Variants in SKI observed in about 807,000 individuals in gnomAD.
SKI encodes the protein ski oncogene.
Under a neutral mutation model 59.3 loss-of-function variants are expected in SKI, and 23 were observed. The ratio of observed to expected loss-of-function variants is 0.39; its 90% CI spans 0.28 to 0.55. The LOEUF is 0.55. SKI is among the 20% of genes least tolerant of loss of function. SKI has a pLI of 0.67. For missense variants in SKI, 1,017 were observed against 1,038.9 expected (o/e 0.98, Z 0.29); for synonymous variants, 673 against 488.6 (o/e 1.38, Z -4.98).
At chr1:2,275,576 C>T (rs966127014) in intron 1 of SKI, among the ~76,000 whole-genome samples, 14 of 152,088 alleles carry the variant, frequency 9.2e-5, no homozygotes, top group Non-Finnish European at 1.9e-4. Flanking sequence ...TGCAGTGGCG[C>T]GATCTCGGCT....
chr1:2,264,442 G>A (rs1639456152), intron 1 of SKI, among the ~76,000 whole-genome samples: 1 of 151,686 alleles, frequency 6.6e-6, no homozygotes, highest in Non-Finnish European at 1.5e-5. Context: ...CTAATTTTTT[G>A]TATTTTTAGT....
intron 1 of SKI, among the ~76,000 whole-genome samples, chr1:2,300,764 C>T (rs1183799326): frequency 2.0e-5 from 3 of 152,328 alleles, no homozygotes; most frequent in African/African-American, 7.2e-5. Flanking sequence ...TCCGAAGGCT[C>T]GTCCTGGCTC....
chr1:2,308,057 T>C lies in SKI; in HGVS notation c.*1292T>C, dbSNP rs1640643818. ...AAATAATCTCGTTTACTCTCACCTGTTTATGCAAATTGTATAAGGTTTCTT... is the reference window on the plus strand; with the variant it reads ...AAATAATCTCGTTTACTCTCACCTGCTTATGCAAATTGTATAAGGTTTCTT... On this transcript the variant is annotated 3_prime_UTR_variant, in exon 7 of 7. Coordinates refer to ENST00000378536, the MANE Select transcript of SKI (RefSeq NM_003036.4). The C allele has an allele frequency of 6.6e-6, 1 of 152,408 alleles. No homozygotes were observed. Among genetic ancestry groups the C allele is most frequent in the Non-Finnish European group, 1.5e-5 (1 of 68,034 alleles). 9.4% of individuals were successfully genotyped at this position (152,408 alleles called of 1,614,324 possible).
At position 2,303,804 on chromosome 1, in the gene SKI, C is replaced by T; in HGVS notation, c.1212-36C>T. 6.2e-7 allele frequency: 1 copy of T among 1,610,122 alleles called. No homozygotes were observed. The highest frequency in any genetic ancestry group is 8.5e-7 in the Non-Finnish European group (1 of 1,179,080). On this transcript the variant is annotated intron_variant, in intron 3 of 6. Coordinates refer to ENST00000378536, the MANE Select transcript of SKI (RefSeq NM_003036.4). The surrounding 1 kb of genome is among the most constrained non-coding windows in gnomAD (Gnocchi z 5.6). ...GATGTGTCTGGGTGGTGCTTGGGGA[C>T]AGAGGCACCTTCCCGACACCCGCCT... is the stretch of plus-strand genomic sequence containing the variant.
At chr1:2,249,211 G>A (rs528224784) in intron 1 of SKI, among the ~76,000 whole-genome samples, 62 of 152,336 alleles carry the variant, frequency 4.1e-4, no homozygotes, top group African/African-American at 1.4e-3. Flanking sequence ...CTGGGCCTGG[G>A]CATCAGGTCC....
chr1:2,296,270 T>C (rs1640282856), intron 1 of SKI, among the ~76,000 whole-genome samples: 1 of 151,286 alleles, frequency 6.6e-6, no homozygotes, highest in African/African-American at 2.4e-5. Flanking sequence ...TGGCACATGC[T>C]TGTAGTCCCA....
At position 2,270,340 on chromosome 1, in the gene SKI, C is replaced by T. The variant is rs1236930014; in HGVS notation, c.970-32638C>T. Among the ~76,000 whole-genome samples the T allele has an allele frequency of 2.6e-5, 4 of 152,212 alleles. No individual in the cohort carries two copies. Among genetic ancestry groups the T allele is most frequent in the South Asian group, 2.1e-4 (1 of 4,834 alleles). Reference sequence around the variant, plus strand: ...TGCTGGTGACACCACTCTGACGCCACGGCCTGAGGCAGCCGTTGGACAGTG... The same window carrying T: ...TGCTGGTGACACCACTCTGACGCCATGGCCTGAGGCAGCCGTTGGACAGTG... On this transcript the variant is annotated intron_variant, in intron 1 of 6. Transcript: ENST00000378536. This position sits in a 1 kb window ranked among gnomAD's most constrained non-coding sequence, Gnocchi z 4.1.
intron 1 of SKI, among the ~76,000 whole-genome samples, chr1:2,287,712 G>T (rs535111546): frequency 9.2e-5 from 14 of 152,330 alleles, no homozygotes; most frequent in South Asian, 2.1e-4. Flanking sequence ...CCTGTGTGGG[G>T]CGTGGGGGTG....
chr1:2,258,846 G>A (rs1024356604), intron 1 of SKI, among the ~76,000 whole-genome samples: 4 of 152,082 alleles, frequency 2.6e-5, no homozygotes, highest in Non-Finnish European at 4.4e-5. Flanking sequence ...CGTGCCTGGC[G>A]GGAGCTCATG....
chr1:2,237,332 CTGCGGTGCTCCT>C (rs1245893539), intron 1 of SKI, among the ~76,000 whole-genome samples: 1 of 152,220 alleles, frequency 6.6e-6, no homozygotes, highest in Admixed American at 6.5e-5. Flanking sequence ...TAGGTGCTCC[CTGCGGTGCTCCT>C]GGCTGCTGTG....
At chr1:2,291,534 C>T (rs1488050919) in intron 1 of SKI, among the ~76,000 whole-genome samples, 2 of 152,262 alleles carry the variant, frequency 1.3e-5, no homozygotes, top group African/African-American at 4.8e-5. Context: ...AGGAGAACCC[C>T]AGCAAGGTTG....
chr1:2,304,577 C>G lies in SKI; in HGVS notation c.1759C>G (p.Leu587Val). The part of the protein sequence containing the change: ...LSAALQAKRS[L>V]HQELEFLRVA... ...CGCAGCCCTGCAGGCCAAGCGCAGC[C>G]TCCACCAGGTGAGCGGGGCGAGTGG... The change falls in exon 5 of 7, where the codon CTC becomes GTC. Residue 587 changes from leucine to valine, a missense_variant. Leu to Val is a conservative substitution (Grantham distance 32). Coordinates refer to ENST00000378536, the MANE Select transcript of SKI (RefSeq NM_003036.4). 1 of 1,555,236 alleles carries G rather than the reference C, an allele frequency of 6.4e-7. No homozygotes were observed. Among genetic ancestry groups the G allele is most frequent in the Non-Finnish European group, 8.7e-7 (1 of 1,149,720 alleles).
chr1:2,256,213 A>G (rs1168743413), intron 1 of SKI, among the ~76,000 whole-genome samples: 1 of 133,818 alleles, frequency 7.5e-6, no homozygotes, highest in East Asian at 2.3e-4. Context: ...TGTCTGGAGC[A>G]CTCTGTCCTG....
rs1379469071 is a variant in SKI, at chr1:2,309,512, A to G, written c.*2747A>G. 1 of 151,916 alleles carries G rather than the reference A, an allele frequency of 6.6e-6. No individual in the cohort carries two copies. The highest frequency in any genetic ancestry group is 1.5e-5 in the Non-Finnish European group (1 of 67,974). The allele number at this position is 151,916 out of a possible 1,614,324, so 9.4% of individuals were successfully genotyped here. A position where few individuals can be genotyped will look rare whatever the true frequency, so the allele number is the denominator to read the frequency against. Reference sequence around the variant, plus strand: ...ACATGTATATGCTGGGTCCTTTTTCAGAAACTCTTTTCTTACCTGAGAGTT... The same window carrying G: ...ACATGTATATGCTGGGTCCTTTTTCGGAAACTCTTTTCTTACCTGAGAGTT... On this transcript the variant is annotated 3_prime_UTR_variant, in exon 7 of 7. Transcript: ENST00000378536.
intron 1 of SKI, among the ~76,000 whole-genome samples, chr1:2,300,230 C>T (rs1445091471): frequency 3.3e-5 from 5 of 152,366 alleles, no homozygotes; most frequent in Admixed American, 1.3e-4. Flanking sequence ...CGCGGTGTGT[C>T]GTCTGGCCTC....
At chr1:2,257,460 C>T (rs756523672) in intron 1 of SKI, among the ~76,000 whole-genome samples, 2 of 152,262 alleles carry the variant, frequency 1.3e-5, no homozygotes, top group Non-Finnish European at 2.9e-5. Flanking sequence ...CAGAGCGCGT[C>T]GGCGTGGCTC....
chr1:2,247,232 AC>A (rs1381433291), intron 1 of SKI, among the ~76,000 whole-genome samples: 1 of 152,030 alleles, frequency 6.6e-6, no homozygotes, highest in African/African-American at 2.4e-5. Context: ...AAAACAAAAA[AC>A]AAAAAAGGGA....
intron 1 of SKI, among the ~76,000 whole-genome samples, chr1:2,250,511 G>T (rs763128106): frequency 1.3e-5 from 2 of 152,242 alleles, no homozygotes; most frequent in Non-Finnish European, 2.9e-5. Flanking sequence ...GTTGCAGGAA[G>T]AACGTGGTGA....
chr1:2,280,204 CT>C (rs751739608), intron 1 of SKI, among the ~76,000 whole-genome samples: 5,840 of 145,638 alleles, frequency 0.04, 307 homozygotes, highest in African/African-American at 0.12. Flanking sequence ...CACGTATCTA[CT>C]AAAAAAAAAA....
Sources: gnomAD v4.1 joint callset for allele counts (sites outside exome capture counted in the v4.1 genomes callset) on GRCh38, gnomAD v4.1.1 for gene constraint, Gnocchi (gnomAD v3.1) non-coding constraint, MANE v1.5 for transcripts, NCBI Gene and HGNC (gene_info 2026-07-23, HGNC 2026-07-21) for gene names.